The following ACYP2 variants were observed in gnomAD, a reference collection of about 807,000 sequenced individuals.
ACYP2 encodes acylphosphatase-2.
Under a neutral mutation model 11.2 loss-of-function variants are expected in ACYP2, and 12 were observed. The observed-to-expected ratio is 1.08, with a 90% CI of 0.69 to 1.74. The LOEUF (loss-of-function observed/expected upper bound fraction) is 1.74. Ranked by LOEUF, ACYP2 falls within the 40% of genes most tolerant of loss-of-function variation. The pLI, the probability that ACYP2 is intolerant of heterozygous loss-of-function variation, is 0.00. For synonymous variants in ACYP2, 43 were observed against 32.2 expected (o/e 1.33, Z -1.13); for missense variants, 134 against 101.9 (o/e 1.31, Z -1.35).
At chr2:54,188,290 C>G (rs1684096366) in intron 6 of ACYP2, among the ~76,000 whole-genome samples, 2 of 151,984 alleles carry the variant, frequency 1.3e-5, no homozygotes, top group South Asian at 4.2e-4. Context: ...TAAAAATATC[C>G]AGGAACTAAT....
chr2:54,261,494 A>G (rs1389625519), intron 6 of ACYP2, among the ~76,000 whole-genome samples: 1 of 152,204 alleles, frequency 6.6e-6, no homozygotes, highest in Non-Finnish European at 1.5e-5. Flanking sequence ...TGCACATCAC[A>G]GAATTGTAAA....
intron 2 of ACYP2, among the ~76,000 whole-genome samples, chr2:53,995,488 T>TTTTATTTATTTA (rs374442168): frequency 0.049 from 7,098 of 145,068 alleles, 205 homozygotes; most frequent in Non-Finnish European, 0.059. Flanking sequence ...TTTATTTATT[T>TTTTATTTATTTA]TTTATTTATT....
chr2:54,203,807 T>A (rs1684955394), intron 6 of ACYP2, among the ~76,000 whole-genome samples: 1 of 152,000 alleles, frequency 6.6e-6, no homozygotes, highest in Non-Finnish European at 1.5e-5. Context: ...TACCCCCTTT[T>A]TTTTTTCAAA....
At chr2:54,150,975 T>TGG (rs1480527754) in intron 6 of ACYP2, among the ~76,000 whole-genome samples, 2 of 144,046 alleles carry the variant, frequency 1.4e-5, no homozygotes, top group East Asian at 2.1e-4. Context: ...TCTCCTGACC[T>TGG]CGTGATCCGC....
chr2:53,974,254 G>A (rs1671352334), intron 2 of ACYP2, among the ~76,000 whole-genome samples: 1 of 152,016 alleles, frequency 6.6e-6, no homozygotes, highest in African/African-American at 2.4e-5. Flanking sequence ...AGGAGCCAGT[G>A]GAGAGAGAAG....
chr2:54,160,045 T>TC (rs1291987267), intron 6 of ACYP2, among the ~76,000 whole-genome samples: 7 of 152,056 alleles, frequency 4.6e-5, no homozygotes, highest in Admixed American at 4.6e-4. Context: ...ATTCCCCACC[T>TC]CCCCCTCAAG....
chr2:54,265,873 T>G (rs1687994839), intron 6 of ACYP2, among the ~76,000 whole-genome samples: 1 of 152,220 alleles, frequency 6.6e-6, no homozygotes, highest in African/African-American at 2.4e-5. Flanking sequence ...TAGCATATAT[T>G]AAGTATTTGA....
chr2:54,145,622 T>G (rs1348009533), intron 6 of ACYP2, among the ~76,000 whole-genome samples: 1 of 152,178 alleles, frequency 6.6e-6, no homozygotes, highest in Non-Finnish European at 1.5e-5. Context: ...ACTTTTTTTT[T>G]GTCATTGTTA....
chr2:53,975,674 T>C (rs1177698972), intron 2 of ACYP2, among the ~76,000 whole-genome samples: 1 of 151,864 alleles, frequency 6.6e-6, no homozygotes, highest in Admixed American at 6.6e-5. Flanking sequence ...CTACTAAAAA[T>C]ACAAAAAATT....
chr2:54,085,996 T>C (rs984547939), intron 4 of ACYP2, among the ~76,000 whole-genome samples: 2 of 152,168 alleles, frequency 1.3e-5, no homozygotes, highest in African/African-American at 4.8e-5. Flanking sequence ...CAGGCTAGAA[T>C]GCAGTGGCGC....
chr2:54,215,524 C>T (rs1685522221), intron 6 of ACYP2, among the ~76,000 whole-genome samples: 1 of 152,076 alleles, frequency 6.6e-6, no homozygotes, highest in Non-Finnish European at 1.5e-5. Context: ...TTAGAAAAAT[C>T]AGAAGATATA....
At chr2:53,982,872 G>A (rs2016490) in intron 2 of ACYP2, among the ~76,000 whole-genome samples, 11,658 of 143,702 alleles carry the variant, frequency 0.081, 630 homozygotes, top group East Asian at 0.28. Context: ...GTGTGTGTGT[G>A]TGATATAAAT....
rs10190353 is a variant in ACYP2, at chr2:54,015,688, C to A, written c.63-35270C>A. On this transcript the variant is annotated intron_variant, in intron 2 of 6. Transcript: ENST00000607452. ...ACACACACACACACACACACACACA[C>A]GGCAGAATCTCAGCCTGTGCCCCAA... 9.5e-3 allele frequency among the ~76,000 whole-genome samples: 1,163 copies of A among 122,518 alleles called. 8 individuals carry two copies. The highest frequency in any genetic ancestry group is 0.02 in the African/African-American group (524 of 26,660). The allele number at this position is 122,518 out of a possible 152,430, so 80.4% of individuals were successfully genotyped here.
At chr2:54,059,075 T>C (rs1438875753) in intron 4 of ACYP2, among the ~76,000 whole-genome samples, 1 of 152,228 alleles carries the variant, frequency 6.6e-6, no homozygotes, top group Non-Finnish European at 1.5e-5. Flanking sequence ...TAGGCAGTTT[T>C]TTATTAAGGT....
intron 2 of ACYP2, among the ~76,000 whole-genome samples, chr2:53,995,904 G>A (rs1381915711): frequency 6.6e-6 from 1 of 152,094 alleles, no homozygotes; most frequent in African/African-American, 2.4e-5. Flanking sequence ...AGGCCGAGGC[G>A]GGCGGATCAC....
chr2:54,097,864 TTCTC>T (rs1193229975), intron 4 of ACYP2, among the ~76,000 whole-genome samples: 3 of 109,292 alleles, frequency 2.7e-5, no homozygotes, highest in African/African-American at 9.9e-5. Flanking sequence ...CTTTCTTTCT[TTCTC>T]TTTCTCTCTC....
At chr2:54,291,477 T>TG (rs1205415674) in intron 6 of ACYP2, among the ~76,000 whole-genome samples, 1 of 152,238 alleles carries the variant, frequency 6.6e-6, no homozygotes. Flanking sequence ...TATATTGGCT[T>TG]GGTCGACCTC....
At chr2:54,188,221 TAG>T (rs1353663115) in intron 6 of ACYP2, among the ~76,000 whole-genome samples, 1 of 152,180 alleles carries the variant, frequency 6.6e-6, no homozygotes, top group Non-Finnish European at 1.5e-5. Flanking sequence ...ACAGTTCTAA[TAG>T]AGAGTGTGAA....
At chr2:54,254,776 T>C in intron 6 of ACYP2, 3 of 768,072 alleles carry the variant, frequency 3.9e-6, no homozygotes, top group South Asian at 3.9e-5. Flanking sequence ...AATCTTCAGG[T>C]TGAGAGAACG....
Sources: gnomAD v4.1 joint callset for allele counts (sites outside exome capture counted in the v4.1 genomes callset) on GRCh38, gnomAD v4.1.1 for gene constraint, MANE v1.5 for transcripts, NCBI Gene and HGNC (gene_info 2026-07-23, HGNC 2026-07-21) for gene names.